WBP1L: variants seen among roughly 807,000 people sequenced by gnomAD.
WBP1L encodes the protein WW domain binding protein 1-like.
A neutral mutation model predicts 33.7 loss-of-function variants in WBP1L; 17 were observed. The ratio of observed to expected loss-of-function variants is 0.50; its 90% CI spans 0.34 to 0.76. The LOEUF (loss-of-function observed/expected upper bound fraction) is 0.76. Among genes scored for constraint, WBP1L ranks in the 30% least tolerant of loss-of-function variants. The pLI, the probability that WBP1L is intolerant of heterozygous loss-of-function variation, is 0.01. For synonymous variants in WBP1L, 173 were observed against 190.8 expected (o/e 0.91, Z 0.77); for missense variants, 389 against 469.4 (o/e 0.83, Z 1.58).
At position 102,781,112 on chromosome 10, in the gene WBP1L, G is replaced by A. The variant is rs1011197780; in HGVS notation, c.91-16881G>A. 3.3e-5 allele frequency among the ~76,000 whole-genome samples: 5 copies of A among 152,304 alleles called. No homozygotes were observed. The South Asian group carries it at 1.0e-3, about 32-fold the overall frequency. ...TTTGTATTTTTGAAAGGGTGAGCTGGTCCCTGGGCTGATGCCGAATGTGAC... is the reference window on the plus strand; with the variant it reads ...TTTGTATTTTTGAAAGGGTGAGCTGATCCCTGGGCTGATGCCGAATGTGAC... On this transcript the variant is annotated intron_variant, in intron 1 of 3. Transcript: ENST00000448841.
intron 1 of WBP1L, among the ~76,000 whole-genome samples, chr10:102,749,345 A>G (rs1842901409): frequency 6.6e-6 from 1 of 152,082 alleles, no homozygotes; most frequent in African/African-American, 2.4e-5. Context: ...GTCGTAGCTC[A>G]CTGCAGCTTT....
intron 1 of WBP1L, among the ~76,000 whole-genome samples, chr10:102,766,441 C>CAA (rs56812691): frequency 0.012 from 663 of 56,864 alleles, 18 homozygotes; most frequent in African/African-American, 0.034. Flanking sequence ...AACTCTGTCT[C>CAA]AAAAAAAAAA....
intron 1 of WBP1L, among the ~76,000 whole-genome samples, chr10:102,780,592 AT>A (rs1191091518): frequency 6.6e-6 from 1 of 152,252 alleles, no homozygotes; most frequent in Non-Finnish European, 1.5e-5. Context: ...CATGTTGTGG[AT>A]ACAAAGAGGT....
chr10:102,795,831 G>A (rs1843565904), intron 1 of WBP1L, among the ~76,000 whole-genome samples: 2 of 152,184 alleles, frequency 1.3e-5, no homozygotes, highest in South Asian at 4.1e-4. Context: ...GGCATGTTTT[G>A]CTCTGAAGTC....
rs113236760 is a variant in WBP1L at position 102,800,319 on chromosome 10, G to A, written c.193+2224G>A. 3.8e-3 allele frequency among the ~76,000 whole-genome samples: 572 copies of A among 152,320 alleles called. 3 individuals are homozygous for A. Among genetic ancestry groups the A allele is most frequent in the African/African-American group, 9.6e-3 (400 of 41,576 alleles). On this transcript the variant is annotated intron_variant, in intron 2 of 3. Transcript: ENST00000448841. ...AAGGAACGAAGTTGCTCATGGCCCCGTCTCAGATTGACAGAGCCTCCTGGG... is the reference window on the plus strand; with the variant it reads ...AAGGAACGAAGTTGCTCATGGCCCCATCTCAGATTGACAGAGCCTCCTGGG...
intron 1 of WBP1L, chr10:102,744,412 G>A (rs1018040209): frequency 3.0e-6 from 3 of 985,284 alleles, no homozygotes; most frequent in Admixed American, 1.2e-4. Flanking sequence ...GGGTGACTGT[G>A]GCTGGATAGC....
At chr10:102,812,448 C>A in intron 3 of WBP1L, 147 bp from the exon 4 acceptor site, 1 of 946,904 alleles carries the variant, frequency 1.1e-6, no homozygotes, top group Non-Finnish European at 1.5e-6. Flanking sequence ...AGCTGTCTCT[C>A]CTCTGCTCAC....
At chr10:102,762,142 T>C (rs559934258) in intron 1 of WBP1L, among the ~76,000 whole-genome samples, 1 of 152,226 alleles carries the variant, frequency 6.6e-6, no homozygotes, top group Non-Finnish European at 1.5e-5. Flanking sequence ...CAGGAGCCGC[T>C]ACAGCTGGCC....
rs186587797 is a variant in WBP1L at position 102,782,855 on chromosome 10, G to A, written c.91-15138G>A. On this transcript the variant is annotated intron_variant, in intron 1 of 3. Coordinates refer to ENST00000448841, the MANE Select transcript of WBP1L (RefSeq NM_001083913.2). ...CTGAAAGTGGCTGAGGGTTTGCCGGGACTGTGTTGCACATAAGACTTCGGT... is the reference window on the plus strand; with the variant it reads ...CTGAAAGTGGCTGAGGGTTTGCCGGAACTGTGTTGCACATAAGACTTCGGT... Among the ~76,000 whole-genome samples, 11 of 152,324 alleles carry A rather than the reference G, an allele frequency of 7.2e-5. No individual in the cohort carries two copies. In the East Asian group the frequency reaches 2.1e-3, roughly 29 times the overall value.
At chr10:102,768,379 T>G (rs1372767560) in intron 1 of WBP1L, among the ~76,000 whole-genome samples, 4 of 13,340 alleles carry the variant, frequency 3.0e-4, no homozygotes, top group South Asian at 2.5e-3. Context: ...TTGTTTTTTT[T>G]TTTTTTTTTT....
intron 1 of WBP1L, among the ~76,000 whole-genome samples, chr10:102,796,711 T>A (rs979516303): frequency 1.3e-5 from 2 of 152,186 alleles, no homozygotes; most frequent in Admixed American, 1.3e-4. Context: ...CATCTTTGTA[T>A]CCCTTGAACC....
chr10:102,806,290 A>G (rs571508620), intron 2 of WBP1L, among the ~76,000 whole-genome samples: 3 of 152,284 alleles, frequency 2.0e-5, no homozygotes, highest in African/African-American at 7.2e-5. Context: ...GTGAGATTAC[A>G]CTGAGAAAGT....
At chr10:102,800,683 C>G (rs938578593) in intron 2 of WBP1L, among the ~76,000 whole-genome samples, 2 of 152,208 alleles carry the variant, frequency 1.3e-5, no homozygotes, top group Admixed American at 6.5e-5. Context: ...TCCGATCTCC[C>G]TCTTTATTGA....
intron 1 of WBP1L, among the ~76,000 whole-genome samples, chr10:102,772,414 C>G (rs1482543159): frequency 1.3e-5 from 2 of 151,460 alleles, no homozygotes; most frequent in Non-Finnish European, 2.9e-5. Context: ...GTATGTGTCA[C>G]CATGCTTAGC....
chr10:102,814,290 C>T lies in WBP1L; in HGVS notation c.*959C>T, dbSNP rs189161259. The T allele has an allele frequency of 6.6e-6, 1 of 152,566 alleles. No individual in the cohort carries two copies. The highest frequency in any genetic ancestry group is 6.5e-5 in the Admixed American group (1 of 15,292). 9.5% of individuals were successfully genotyped at this position (152,566 alleles called of 1,614,324 possible). On this transcript the variant is annotated 3_prime_UTR_variant, in exon 4 of 4. Coordinates refer to ENST00000448841, the MANE Select transcript of WBP1L (RefSeq NM_001083913.2). ...TGGATAGAGGTGCAGCTCTCTGCCT[C>T]TCTGCCCTTTGGTCTGTGTTCACAG... is the stretch of plus-strand genomic sequence containing the variant.
At chr10:102,791,519 C>G (rs920524782) in intron 1 of WBP1L, among the ~76,000 whole-genome samples, 1 of 152,192 alleles carries the variant, frequency 6.6e-6, no homozygotes, top group Non-Finnish European at 1.5e-5. Context: ...TAGTTCTTGG[C>G]CAGGCACGGT....
chr10:102,808,012 C>G (rs961985569), intron 2 of WBP1L, among the ~76,000 whole-genome samples: 1 of 151,896 alleles, frequency 6.6e-6, no homozygotes. Flanking sequence ...TCAAGACCAG[C>G]CTGGGCAACA....
chr10:102,746,047 A>G, intron 1 of WBP1L: 10 of 626,154 alleles, frequency 1.6e-5, no homozygotes, highest in Non-Finnish European at 2.0e-5. Flanking sequence ...TAACATCGGT[A>G]GAGGTTTGGT....
intron 1 of WBP1L, among the ~76,000 whole-genome samples, chr10:102,782,507 C>T (rs941181201): frequency 8.0e-5 from 12 of 149,460 alleles, no homozygotes; most frequent in Non-Finnish European, 1.5e-4. Context: ...ATCCCTTCTT[C>T]TGCCCTAATT....
Sources: gnomAD v4.1 joint callset for allele counts (sites outside exome capture counted in the v4.1 genomes callset) on GRCh38, gnomAD v4.1.1 for gene constraint, MANE v1.5 for transcripts, NCBI Gene and HGNC (gene_info 2026-07-23, HGNC 2026-07-21) for gene names.